The following DPH6 variants were observed in gnomAD, a reference collection of about 807,000 sequenced individuals.
DPH6 encodes the protein diphthine--ammonia ligase.
Under a neutral mutation model 38.2 loss-of-function variants are expected in DPH6, and 33 were observed. The ratio of observed to expected loss-of-function variants is 0.86; its 90% CI spans 0.65 to 1.15. The LOEUF is 1.15. DPH6 is among the 50% of genes most tolerant of loss of function. The probability of loss-of-function intolerance (pLI) is 0.00; values close to 1 mark genes in which losing one functional copy is unlikely to be tolerated. For synonymous variants in DPH6, 108 were observed against 103.0 expected (o/e 1.05, Z -0.30); for missense variants, 325 against 320.0 (o/e 1.02, Z -0.12).
intron 3 of DPH6, among the ~76,000 whole-genome samples, chr15:35,492,763 T>C (rs2054502018): frequency 6.6e-6 from 1 of 152,148 alleles, no homozygotes; most frequent in Admixed American, 6.6e-5. Context: ...AAATCTTGAG[T>C]ACAGAGAGAT....
chr15:35,176,233 T>C, the DPH6 span, among the ~76,000 whole-genome samples: 1 of 152,226 alleles, frequency 6.6e-6, no homozygotes, highest in Non-Finnish European at 1.5e-5. Flanking sequence ...ATTAAATCTT[T>C]GTTTATCCTT....
intron 3 of DPH6, among the ~76,000 whole-genome samples, chr15:35,250,659 A>G (rs1035847470): frequency 6.6e-6 from 1 of 152,192 alleles, no homozygotes; most frequent in African/African-American, 2.4e-5. Context: ...AGTACCTACT[A>G]TGCATCCATT....
intron 3 of DPH6, among the ~76,000 whole-genome samples, chr15:35,502,970 G>T (rs555433004): frequency 1.4e-5 from 2 of 148,108 alleles, no homozygotes; most frequent in Non-Finnish European, 3.0e-5. Context: ...ACACACACCA[G>T]TGTGCCTGGC....
intron 5 of DPH6, among the ~76,000 whole-genome samples, chr15:35,421,441 C>T (rs1230830091): frequency 6.6e-6 from 1 of 152,118 alleles, no homozygotes; most frequent in African/African-American, 2.4e-5. Context: ...TATAGTTATG[C>T]AGTTAATGAT....
chr15:35,456,803 A>G (rs544412510), intron 3 of DPH6, among the ~76,000 whole-genome samples: 1 of 151,830 alleles, frequency 6.6e-6, no homozygotes, highest in African/African-American at 2.4e-5. Context: ...TACTATTAAA[A>G]TAATAATTGG....
chr15:35,390,443 A>G (rs1460807059), intron 6 of DPH6, among the ~76,000 whole-genome samples: 8 of 152,150 alleles, frequency 5.3e-5, no homozygotes, highest in African/African-American at 1.9e-4. Flanking sequence ...GTGTTTTCCA[A>G]TTTGGTTCCA....
At chr15:35,536,165 T>A (rs2055166332) in intron 3 of DPH6, among the ~76,000 whole-genome samples, 1 of 152,012 alleles carries the variant, frequency 6.6e-6, no homozygotes, top group African/African-American at 2.4e-5. Context: ...TTTTTTTTCA[T>A]AATTACTCAG....
chr15:35,388,859 T>G (rs1417885402), intron 6 of DPH6, among the ~76,000 whole-genome samples: 3 of 152,240 alleles, frequency 2.0e-5, no homozygotes, highest in Non-Finnish European at 4.4e-5. Flanking sequence ...TGCTCTGATC[T>G]TAGTTATTTC....
intron 6 of DPH6, among the ~76,000 whole-genome samples, chr15:35,390,803 C>T (rs1040594017): frequency 3.9e-5 from 6 of 152,114 alleles, no homozygotes; most frequent in Non-Finnish European, 8.8e-5. Context: ...TCCTTTAGCT[C>T]GGAGTAGTTT....
intron 3 of DPH6, chr15:35,237,246 G>C (rs2051559354): frequency 8.7e-6 from 11 of 1,269,162 alleles, no homozygotes; most frequent in Non-Finnish European, 1.3e-5. Flanking sequence ...AGCTGGTTGA[G>C]CCTTGAAAGT....
At chr15:35,464,260 C>T (rs1270033330) in intron 3 of DPH6, among the ~76,000 whole-genome samples, 1 of 150,720 alleles carries the variant, frequency 6.6e-6, no homozygotes, top group Non-Finnish European at 1.5e-5. Flanking sequence ...TGCTACAGTA[C>T]TCCAGCCTGG....
At chr15:35,502,439 C>A (rs1413638543) in intron 3 of DPH6, among the ~76,000 whole-genome samples, 1 of 151,998 alleles carries the variant, frequency 6.6e-6, no homozygotes, top group Non-Finnish European at 1.5e-5. Context: ...CAAATAATCT[C>A]CCATTCAGAG....
rs866948988 is a variant in DPH6, at chr15:35,314,442, C to T, written n.200+59079G>A. Among the ~76,000 whole-genome samples, 10 of 152,220 alleles carry T rather than the reference C, an allele frequency of 6.6e-5. No homozygotes were observed. The South Asian group carries it at 8.3e-4, about 13-fold the overall frequency. Reference sequence around the variant, plus strand: ...AAATTCGAGTGATTTTCTTATTTGACTTCAAAATCGGTCATAAAGCAGCGG... The same window carrying T: ...AAATTCGAGTGATTTTCTTATTTGATTTCAAAATCGGTCATAAAGCAGCGG... On this transcript the variant is annotated intron_variant and non_coding_transcript_variant, in intron 3 of 3. Transcript: ENST00000560386.
chr15:35,532,099 A>G lies in DPH6; in HGVS notation c.312+6175T>C, dbSNP rs545963004. On this transcript the variant is annotated intron_variant, in intron 3 of 8. Coordinates refer to ENST00000256538, the MANE Select transcript of DPH6 (RefSeq NM_080650.4). ...ATAAGCATAAAGAAAAGCACAGCCG[A>G]AGACTCAGACATGAAAAGCAATCTC... is the stretch of plus-strand genomic sequence containing the variant. 5.9e-5 allele frequency among the ~76,000 whole-genome samples: 9 copies of G among 152,318 alleles called. No homozygotes were observed. The South Asian group carries it at 1.9e-3, about 32-fold the overall frequency.
At chr15:35,247,118 T>C (rs1159131898) in intron 3 of DPH6, among the ~76,000 whole-genome samples, 1 of 152,220 alleles carries the variant, frequency 6.6e-6, no homozygotes. Context: ...AAATTCTTTC[T>C]CAAGGTAAAT....
intron 3 of DPH6, among the ~76,000 whole-genome samples, chr15:35,271,276 T>A (rs1041801150): frequency 1.3e-5 from 2 of 152,098 alleles, no homozygotes; most frequent in African/African-American, 4.8e-5. Context: ...AAACAGGCAT[T>A]ATTCACCCTT....
At chr15:35,176,474 C>T in the DPH6 span, among the ~76,000 whole-genome samples, 21 of 145,138 alleles carry the variant, frequency 1.4e-4, no homozygotes, top group Admixed American at 8.1e-4. Flanking sequence ...GTTGTAAGGT[C>T]TTTTTTTTTT....
chr15:35,493,551 A>G (rs1225154123), intron 3 of DPH6, among the ~76,000 whole-genome samples: 4 of 152,206 alleles, frequency 2.6e-5, no homozygotes, highest in Admixed American at 2.6e-4. Context: ...CAGAGATACC[A>G]GAATGGTCAT....
intron 4 of DPH6, among the ~76,000 whole-genome samples, chr15:35,452,907 A>G (rs2053953873): frequency 6.6e-6 from 1 of 152,228 alleles, no homozygotes; most frequent in Non-Finnish European, 1.5e-5. Flanking sequence ...AGAGATTTTG[A>G]GGAATTTCAA....
Sources: allele counts gnomAD v4.1 joint callset (sites outside exome capture counted in the v4.1 genomes callset), GRCh38; gene constraint gnomAD v4.1.1; transcripts MANE v1.5; gene names NCBI Gene and HGNC (gene_info 2026-07-23, HGNC 2026-07-21).